The following CCDC40 variants were observed in gnomAD, a reference collection of about 807,000 sequenced individuals.
The protein encoded by CCDC40 is coiled-coil domain 40 molecular ruler complex subunit.
A neutral mutation model predicts 124.5 loss-of-function variants in CCDC40; 104 were observed. The ratio of observed to expected loss-of-function variants is 0.84; its 90% confidence interval spans 0.71 to 0.98. CCDC40 has a LOEUF of 0.98. CCDC40 is among the 50% of genes least tolerant of loss of function. The pLI, the probability that CCDC40 is intolerant of heterozygous loss-of-function variation, is 0.00. For synonymous variants in CCDC40, 580 were observed against 602.9 expected, an observed-to-expected ratio of 0.96 and a Z score of 0.56; for missense variants, 1,463 against 1,503.9, an observed-to-expected ratio of 0.97 and a Z score of 0.45.
chr17:80,075,293 T>G (rs1050603799), intron 10 of CCDC40, among the ~76,000 whole-genome samples: 2 of 131,724 alleles, frequency 1.5e-5, no homozygotes, highest in Non-Finnish European at 3.3e-5. Flanking sequence ...TTTTTTTTTT[T>G]TGAGGTGGAG....
intron 7 of CCDC40, among the ~76,000 whole-genome samples, chr17:80,054,982 A>AT: frequency 6.6e-6 from 1 of 152,196 alleles, no homozygotes; most frequent in Admixed American, 6.5e-5. Context: ...CTCAAAAAAA[A>AT]AAAATAAATA....
In CCDC40 at chr17:80,048,592, C is replaced by G; in HGVS notation, c.686C>G (p.Pro229Arg). Residue 229 changes from proline (P) to arginine (R), a missense_variant, in exon 5 of 20, where the codon CCA becomes CGA. By Grantham distance (103) the Pro-to-Arg change is moderately radical. Coordinates refer to ENST00000397545, the MANE Select transcript of CCDC40 (RefSeq NM_017950.4). Reference protein sequence around the residue: ...EFVSQEPVIPPGVPDAHPREG... With the variant: ...EFVSQEPVIPRGVPDAHPREG... ...CTGTCTCTCCCCCCAGTGATCCCCC[C>G]AGGGGTGCCCGATGCCCACCCCAGG... The G allele has an allele frequency of 1.9e-6, 3 of 1,613,524 alleles. No homozygotes were observed. Among genetic ancestry groups the G allele is most frequent in the Non-Finnish European group, 2.5e-6 (3 of 1,179,758 alleles).
chr17:80,059,227 T>A (rs1170050669), intron 9 of CCDC40, among the ~76,000 whole-genome samples: 2 of 152,196 alleles, frequency 1.3e-5, no homozygotes, highest in East Asian at 3.9e-4. Context: ...TCAGGTACTC[T>A]AGTCGCTTCA....
intron 3 of CCDC40, chr17:80,040,551 C>T (rs368130408): frequency 3.0e-5 from 13 of 431,234 alleles, no homozygotes; most frequent in Admixed American, 3.8e-5. Flanking sequence ...TGGTGGCGCA[C>T]GCCTGTAATC....
At chr17:80,071,265 G>A (rs113353821) in intron 10 of CCDC40, among the ~76,000 whole-genome samples, 7,185 of 152,314 alleles carry the variant, frequency 0.047, 239 homozygotes, top group Non-Finnish European at 0.077. Flanking sequence ...GGGAAATACA[G>A]AGGGCAGACA....
At chr17:80,094,880 G>A (rs1353964004) in intron 17 of CCDC40, among the ~76,000 whole-genome samples, 1 of 152,108 alleles carries the variant, frequency 6.6e-6, no homozygotes, top group Non-Finnish European at 1.5e-5. Context: ...AAGGTGCATT[G>A]TCACAACTAA....
At chr17:80,037,031 G>A (rs993241819) in intron 1 of CCDC40, among the ~76,000 whole-genome samples, 1 of 152,226 alleles carries the variant, frequency 6.6e-6, no homozygotes, top group Admixed American at 6.5e-5. Flanking sequence ...GTCCCTGCGC[G>A]CAGTCCTCCT....
chr17:80,090,104 C>T (rs750260124), intron 17 of CCDC40: 22 of 1,536,326 alleles, frequency 1.4e-5, no homozygotes, highest in Non-Finnish European at 1.7e-5. Context: ...CCCCCTTGAC[C>T]CAGCTTTTAC....
intron 12 of CCDC40, 51 bp downstream of exon 12, chr17:80,082,109 C>T: frequency 2.6e-6 from 4 of 1,560,568 alleles, no homozygotes; most frequent in South Asian, 1.1e-5. Flanking sequence ...GCAGCCTGGG[C>T]ATATGAGGGC....
rs752039947 is a variant in CCDC40, at chr17:80,048,692, G to A, written c.786G>A (p.Val262=). The part of the protein sequence containing the change: ...STEEGAMAER[V]ESEGSDEEAE... Reference sequence around the variant, plus strand: ...AGGAGGGGGCCATGGCAGAGAGAGTGGAGTCCGAGGGGAGTGACGAGGAAG... The same window carrying A: ...AGGAGGGGGCCATGGCAGAGAGAGTAGAGTCCGAGGGGAGTGACGAGGAAG... Residue 262 remains valine (V), a synonymous_variant, in exon 5 of 20, where the codon GTG becomes GTA. Transcript: ENST00000397545. 6.2e-7 allele frequency: 1 copy of A among 1,614,068 alleles called. No individual in the cohort carries two copies. Among genetic ancestry groups the A allele is most frequent in the East Asian group, 2.2e-5 (1 of 44,878 alleles).
chr17:80,070,452 A>T (rs957891246), intron 10 of CCDC40, among the ~76,000 whole-genome samples: 1 of 152,146 alleles, frequency 6.6e-6, no homozygotes, highest in African/African-American at 2.4e-5. Context: ...AATATAAAAA[A>T]TAGCCAGGTG....
intron 19 of CCDC40, among the ~76,000 whole-genome samples, chr17:80,098,479 G>C (rs2038851212): frequency 6.6e-6 from 1 of 152,258 alleles, no homozygotes; most frequent in Non-Finnish European, 1.5e-5. Flanking sequence ...AAGCCATCAG[G>C]CTCTGCATAT....
At position 80,085,004 on chromosome 17, in the gene CCDC40, G is replaced by A. The variant is rs1488640659; in HGVS notation, c.2235+16G>A. 5.0e-6 allele frequency: 8 copies of A among 1,612,640 alleles called. No homozygotes were observed. The highest frequency in any genetic ancestry group is 1.7e-5 in the Admixed American group (1 of 59,982). Reference sequence around the variant, plus strand: ...CGAGCTGGGGGTGAGGTCCCAGGCAGGGAGACGTGGTCCCCGGCTGACTGT... The same window carrying A: ...CGAGCTGGGGGTGAGGTCCCAGGCAAGGAGACGTGGTCCCCGGCTGACTGT... On this transcript the variant is annotated intron_variant, in intron 13 of 19. Coordinates refer to ENST00000397545, the MANE Select transcript of CCDC40 (RefSeq NM_017950.4).
intron 10 of CCDC40, among the ~76,000 whole-genome samples, 167 bp downstream of exon 10, chr17:80,065,773 GA>G (rs2038030424): frequency 6.6e-6 from 1 of 152,246 alleles, no homozygotes; most frequent in East Asian, 1.9e-4. Context: ...TGTTTGGTAA[GA>G]TTTCAGCGAT....
intron 3 of CCDC40, among the ~76,000 whole-genome samples, chr17:80,044,737 A>ATCTCTC (rs1568671779): frequency 1.4e-5 from 2 of 139,142 alleles, no homozygotes; most frequent in African/African-American, 5.6e-5. Context: ...ATATATATAT[A>ATCTCTC]TCTCAACAAC....
In CCDC40 at chr17:80,088,247, T is replaced by TTTTTG. The variant is rs763272639; in HGVS notation, c.2711+165_2711+169dup. On this transcript the variant is annotated intron_variant, in intron 16 of 19. Coordinates refer to ENST00000397545, the MANE Select transcript of CCDC40 (RefSeq NM_017950.4). The stretch of plus-strand genomic sequence containing the variant: ...TGGTCATTTTTTGTTGTTGTTTTGT[T>TTTTTG]TTTTGTTTTGTTTTGTTTTGTTTTT... 130 of 719,792 alleles carry TTTTTG rather than the reference T, an allele frequency of 1.8e-4. 3 individuals are homozygous for TTTTTG. The highest frequency in any genetic ancestry group is 8.8e-4 in the South Asian group (59 of 67,088). The allele number at this position is 719,792 out of a possible 1,614,324, so 44.6% of individuals were successfully genotyped here.
chr17:80,062,279 C>A (rs904075071), intron 9 of CCDC40, among the ~76,000 whole-genome samples: 1 of 152,070 alleles, frequency 6.6e-6, no homozygotes, highest in Non-Finnish European at 1.5e-5. Flanking sequence ...ACATGGAAAC[C>A]TGTCTCGATA....
chr17:80,060,397 A>T (rs1235133821), intron 9 of CCDC40, among the ~76,000 whole-genome samples: 1 of 147,500 alleles, frequency 6.8e-6, no homozygotes, highest in South Asian at 2.2e-4. Flanking sequence ...TAATAATTAA[A>T]AAAAAATAAA....
At chr17:80,046,463 T>C (rs1166729814) in intron 3 of CCDC40, among the ~76,000 whole-genome samples, 4 of 151,842 alleles carry the variant, frequency 2.6e-5, no homozygotes, top group Non-Finnish European at 4.4e-5. Flanking sequence ...AGCCCAGAAG[T>C]TGGGGGTTGC....
Sources: gnomAD v4.1 joint callset for allele counts (sites outside exome capture counted in the v4.1 genomes callset) on GRCh38, gnomAD v4.1.1 for gene constraint, MANE v1.5 for transcripts, NCBI Gene and HGNC (gene_info 2026-07-23, HGNC 2026-07-21) for gene names.